Variants in RIPK1 observed in about 807,000 individuals in gnomAD.
The protein encoded by RIPK1 is receptor interacting serine/threonine kinase 1, also known as receptor-interacting serine/threonine-protein kinase 1.
RIPK1 carries 27 observed loss-of-function variants against 62.4 expected under a neutral mutation model. That is an observed-to-expected ratio of 0.43 (90% CI 0.32 to 0.60). RIPK1 has a LOEUF of 0.60. Ranked by LOEUF, RIPK1 falls within the 20% of genes least tolerant of loss-of-function variation. The pLI, the probability that RIPK1 is intolerant of heterozygous loss-of-function variation, is 0.07. For missense variants in RIPK1, 735 were observed against 831.0 expected (o/e 0.88, Z 1.42); for synonymous variants, 287 against 303.2 (o/e 0.95, Z 0.55).
intron 1 of RIPK1, among the ~76,000 whole-genome samples, chr6:3,073,731 G>A (rs190245684): frequency 2.0e-4 from 31 of 152,132 alleles, no homozygotes; most frequent in Admixed American, 3.3e-4. Flanking sequence ...CTGGTTACCC[G>A]GGTCACCTGT....
chr6:3,075,697 T>G (rs1759012986), intron 1 of RIPK1, among the ~76,000 whole-genome samples: 1 of 152,198 alleles, frequency 6.6e-6, no homozygotes, highest in Non-Finnish European at 1.5e-5. Flanking sequence ...GGCTTGAGGT[T>G]GTTGTTTGCT....
chr6:3,073,691 G>A (rs1419836685), intron 1 of RIPK1, among the ~76,000 whole-genome samples: 3 of 152,334 alleles, frequency 2.0e-5, no homozygotes, highest in South Asian at 4.1e-4. Flanking sequence ...AGACAGAGCT[G>A]GCCCCAGCCT....
In RIPK1 at chr6:3,113,355, G is replaced by A. The variant is rs747403695; in HGVS notation, c.*16G>A. The A allele has an allele frequency of 3.3e-5, 53 of 1,605,972 alleles. No homozygotes were observed. Among genetic ancestry groups the A allele is most frequent in the Admixed American group, 1.3e-4 (8 of 59,430 alleles). On this transcript the variant is annotated 3_prime_UTR_variant, in exon 11 of 11. Transcript: ENST00000259808. The surrounding 1 kb of genome is among the most constrained non-coding windows in gnomAD (Gnocchi z 5.0). ...CCAGAACTAACCCTGGATGGGCTAC[G>A]GCAGCTGAAGTGGACGCCTCACTTA...
At chr6:3,066,733 A>G (rs1277175994), upstream of RIPK1, among the ~76,000 whole-genome samples, 3 of 152,222 alleles carry the variant, frequency 2.0e-5, no homozygotes, top group African/African-American at 7.2e-5. Flanking sequence ...AAATGAACCA[A>G]TATGGATAAA....
At chr6:3,071,622 G>C (rs1271544489) in intron 1 of RIPK1, among the ~76,000 whole-genome samples, 1 of 152,098 alleles carries the variant, frequency 6.6e-6, no homozygotes, top group East Asian at 1.9e-4. Context: ...TCATAAAGTT[G>C]AATCTTTCAT....
intron 1 of RIPK1, among the ~76,000 whole-genome samples, chr6:3,076,333 C>A (rs1196617099): frequency 6.6e-6 from 1 of 152,016 alleles, no homozygotes; most frequent in Non-Finnish European, 1.5e-5. Context: ...AAATCCAAGG[C>A]ACACCAAGCA....
chr6:3,071,953 A>G (rs1261745032), intron 1 of RIPK1, among the ~76,000 whole-genome samples: 3 of 152,230 alleles, frequency 2.0e-5, no homozygotes, highest in East Asian at 3.8e-4. Flanking sequence ...GGCATGTTGT[A>G]GTTCCTGCCT....
intron 10 of RIPK1, among the ~76,000 whole-genome samples, chr6:3,112,760 A>G (rs890560348): frequency 6.6e-6 from 1 of 152,134 alleles, no homozygotes; most frequent in Admixed American, 6.5e-5. Context: ...ACTGGTCTAG[A>G]ACTCCCGGGT....
intron 7 of RIPK1, among the ~76,000 whole-genome samples, chr6:3,095,843 A>T (rs1450836935): frequency 6.9e-4 from 94 of 135,708 alleles, no homozygotes; most frequent in Non-Finnish European, 1.9e-4. Context: ...AAATGTTAAC[A>T]GCCTTTTTTT....
chr6:3,102,619 G>A (rs1304331560), intron 7 of RIPK1, among the ~76,000 whole-genome samples: 1 of 148,760 alleles, frequency 6.7e-6, no homozygotes, highest in Non-Finnish European at 1.5e-5. Flanking sequence ...TTGTTTTTCT[G>A]AGACAGAGTC....
chr6:3,095,905 C>T (rs1318936422), intron 7 of RIPK1, among the ~76,000 whole-genome samples: 2 of 148,908 alleles, frequency 1.3e-5, no homozygotes, highest in Admixed American at 6.7e-5. Flanking sequence ...AGTGCAGTGG[C>T]GTGATCACGG....
intron 7 of RIPK1, among the ~76,000 whole-genome samples, chr6:3,100,338 T>G (rs1481376243): frequency 2.0e-5 from 3 of 151,962 alleles, no homozygotes; most frequent in Non-Finnish European, 4.4e-5. Context: ...GCATGAGAAT[T>G]GCTTGAACCC....
At chr6:3,082,766 G>A (rs1045207108) in intron 4 of RIPK1, among the ~76,000 whole-genome samples, 5 of 152,130 alleles carry the variant, frequency 3.3e-5, no homozygotes, top group African/African-American at 1.2e-4. Context: ...GAGTCAATGG[G>A]GAATGAGAAT....
At position 3,072,585 on chromosome 6, in the gene RIPK1, G is replaced by A. The variant is rs1022146990; in HGVS notation, c.-61+3924G>A. Reference sequence around the variant, plus strand: ...ATAGTTATTCAATTGATGATGGGCCGGCATACGTTGGGTTCTGCTAGGCTC... The same window carrying A: ...ATAGTTATTCAATTGATGATGGGCCAGCATACGTTGGGTTCTGCTAGGCTC... On this transcript the variant is annotated intron_variant, in intron 1 of 10. Coordinates refer to ENST00000259808, the MANE Select transcript of RIPK1 (RefSeq NM_001354930.2). This position sits in a 1 kb window ranked among gnomAD's most constrained non-coding sequence, Gnocchi z 5.6. Among the ~76,000 whole-genome samples, 3 of 152,092 alleles carry A rather than the reference G, an allele frequency of 2.0e-5. No homozygotes were observed. Among genetic ancestry groups the A allele is most frequent in the Non-Finnish European group, 2.9e-5 (2 of 67,998 alleles).
chr6:3,066,249 CCT>C (rs1380595055), upstream of RIPK1, among the ~76,000 whole-genome samples: 2 of 152,154 alleles, frequency 1.3e-5, no homozygotes, highest in Non-Finnish European at 1.5e-5. Context: ...GTCCGGAACC[CCT>C]GAGCTCAGGC....
chr6:3,064,722 G>T (rs2113514138), upstream of RIPK1, among the ~76,000 whole-genome samples: 1 of 152,300 alleles, frequency 6.6e-6, no homozygotes, highest in East Asian at 1.9e-4. Flanking sequence ...GTGTTTGAGG[G>T]TGAGTGGAAT....
rs1317484460 is a variant in RIPK1, at chr6:3,085,424, C to T, written c.838+16C>T. On this transcript the variant is annotated intron_variant, in intron 6 of 10. Transcript: ENST00000259808. ...ACATTTCCTGGTAAGAGCATCTTTT[C>T]TGACTGTGTAGGATGCATCCTGTGT... The T allele has an allele frequency of 6.2e-7, 1 of 1,613,968 alleles. No individual in the cohort carries two copies. Among genetic ancestry groups the T allele is most frequent in the Non-Finnish European group, 8.5e-7 (1 of 1,179,902 alleles).
At position 3,106,868 on chromosome 6, in the gene RIPK1, T is replaced by C. The variant is rs540677348; in HGVS notation, c.1576+817T>C. Among the ~76,000 whole-genome samples the C allele has an allele frequency of 7.9e-5, 12 of 152,364 alleles. 1 individual carries two copies. Among genetic ancestry groups the C allele is most frequent in the African/African-American group, 2.9e-4 (12 of 41,580 alleles). Reference sequence around the variant, plus strand: ...ATAATCCTATGAGCAGAATGTCCTTTTGTTTCCTTCATGTTGGGGATAAAA... The same window carrying C: ...ATAATCCTATGAGCAGAATGTCCTTCTGTTTCCTTCATGTTGGGGATAAAA... On this transcript the variant is annotated intron_variant, in intron 9 of 10. Transcript: ENST00000259808.
rs1287723459 is a variant in RIPK1 at position 3,107,551 on chromosome 6, C to CAT, written c.1576+1500_1576+1501insAT. 2.4e-3 allele frequency among the ~76,000 whole-genome samples: 279 copies of CAT among 117,258 alleles called. 1 individual carries two copies. The highest frequency in any genetic ancestry group is 0.011 in the African/African-American group (274 of 23,970). The allele number at this position is 117,258 out of a possible 152,430, so 76.9% of individuals were successfully genotyped here. Reference sequence around the variant, plus strand: ...CTGCACTCCAGCCTGGGTGACAGAGCGAGACTGTCGCAAAAAAAAAAAAAA... The same window carrying CAT: ...CTGCACTCCAGCCTGGGTGACAGAGCATGAGACTGTCGCAAAAAAAAAAAAAA... On this transcript the variant is annotated intron_variant, in intron 9 of 10. Transcript: ENST00000259808.
Sources: allele counts gnomAD v4.1 joint callset (sites outside exome capture counted in the v4.1 genomes callset), GRCh38; gene constraint gnomAD v4.1.1; non-coding constraint Gnocchi (gnomAD v3.1); transcripts MANE v1.5; gene names NCBI Gene and HGNC (gene_info 2026-07-23, HGNC 2026-07-21).